Variants in CALN1 observed in about 807,000 individuals in gnomAD.
CALN1 encodes calneuron 1, also known as calcium-binding protein 8.
Under a neutral mutation model 30.6 loss-of-function variants are expected in CALN1, and 17 were observed. The observed-to-expected ratio is 0.56, with a 90% CI of 0.38 to 0.83. CALN1 has a LOEUF of 0.83. CALN1 is among the 40% of genes least tolerant of loss of function. CALN1 has a pLI of 0.00. For synonymous variants in CALN1, 156 were observed against 131.4 expected, an observed-to-expected ratio of 1.19 and a Z score of -1.28; for missense variants, 291 against 354.9, an observed-to-expected ratio of 0.82 and a Z score of 1.45.
intron 3 of CALN1, among the ~76,000 whole-genome samples, chr7:72,246,517 G>A (rs554444771): frequency 5.3e-5 from 8 of 152,126 alleles, no homozygotes; most frequent in Middle Eastern, 3.4e-3. Flanking sequence ...CTATAATTCC[G>A]TGATCAAAAC....
At chr7:72,235,349 T>A (rs1295160078) in intron 3 of CALN1, among the ~76,000 whole-genome samples, 2 of 152,286 alleles carry the variant, frequency 1.3e-5, no homozygotes, top group African/African-American at 4.8e-5. Context: ...AATTAGAGTG[T>A]GTCCACGCCT....
chr7:72,219,679 A>G (rs1026991320), intron 3 of CALN1, among the ~76,000 whole-genome samples: 1 of 125,966 alleles, frequency 7.9e-6, no homozygotes, highest in African/African-American at 2.8e-5. Context: ...ACACACATGC[A>G]TACACATGCA....
At chr7:72,171,302 CA>C (rs1389424885) in intron 3 of CALN1, among the ~76,000 whole-genome samples, 3 of 152,118 alleles carry the variant, frequency 2.0e-5, no homozygotes, top group African/African-American at 7.2e-5. Flanking sequence ...TCTACACCTC[CA>C]AATAATCAAA....
At chr7:72,476,645 C>T in the CALN1 span, among the ~76,000 whole-genome samples, 1 of 152,164 alleles carries the variant, frequency 6.6e-6, no homozygotes, top group African/African-American at 2.4e-5. Flanking sequence ...TAAAACCAAC[C>T]CCCTCAGCCT....
intron 4 of CALN1, among the ~76,000 whole-genome samples, chr7:72,029,513 G>C (rs1000989852): frequency 6.6e-6 from 1 of 152,112 alleles, no homozygotes; most frequent in Non-Finnish European, 1.5e-5. Context: ...AGCACTTCTT[G>C]GTGGGCTTCC....
At chr7:72,136,329 C>A (rs966677696) in intron 3 of CALN1, among the ~76,000 whole-genome samples, 10 of 152,114 alleles carry the variant, frequency 6.6e-5, no homozygotes, top group African/African-American at 4.8e-5. Flanking sequence ...ACTTCTTAAA[C>A]CTCATGAACC....
intron 1 of CALN1, among the ~76,000 whole-genome samples, chr7:72,406,634 T>TTTTTTTAA (rs10655068): frequency 6.6e-6 from 1 of 151,452 alleles, no homozygotes; most frequent in African/African-American, 2.4e-5. Flanking sequence ...TTTTCTTTTT[T>TTTTTTTAA]AAGACGGAGT....
chr7:71,842,978 T>TGG (rs1296151840), intron 5 of CALN1, among the ~76,000 whole-genome samples: 1 of 152,344 alleles, frequency 6.6e-6, no homozygotes, highest in African/African-American at 2.4e-5. Context: ...AGGAAAATCC[T>TGG]AGACCTCCAG....
At chr7:72,244,884 T>G (rs534603) in intron 3 of CALN1, among the ~76,000 whole-genome samples, 1 of 151,896 alleles carries the variant, frequency 6.6e-6, no homozygotes, top group African/African-American at 2.4e-5. Flanking sequence ...AATTCCAATT[T>G]CCTAAATTGT....
intron 3 of CALN1, among the ~76,000 whole-genome samples, chr7:72,251,974 CA>C (rs1196289401): frequency 1.3e-5 from 2 of 152,122 alleles, no homozygotes; most frequent in African/African-American, 4.8e-5. Context: ...ATTAATTGAT[CA>C]ATCATTAAGG....
chr7:71,879,139 C>T (rs1279250207), intron 5 of CALN1, among the ~76,000 whole-genome samples: 1 of 152,192 alleles, frequency 6.6e-6, no homozygotes, highest in African/African-American at 2.4e-5. Context: ...CAGACAAAAA[C>T]AGAGTTGCTT....
chr7:72,469,447 A>T, the CALN1 span, among the ~76,000 whole-genome samples: 1 of 152,194 alleles, frequency 6.6e-6, no homozygotes, highest in Admixed American at 6.5e-5. Context: ...CCCAGGCTGG[A>T]GAGCAGTGTT....
At chr7:72,145,953 G>A (rs530500519) in intron 3 of CALN1, among the ~76,000 whole-genome samples, 5,164 of 152,214 alleles carry the variant, frequency 0.034, 130 homozygotes, top group African/African-American at 0.072. Flanking sequence ...AATAAATTAG[G>A]TATTGATGGG....
chr7:72,403,270 C>T lies in CALN1; in HGVS notation c.100G>A (p.Ala34Thr). 1 of 1,549,982 alleles carries T rather than the reference C, an allele frequency of 6.5e-7. No homozygotes were observed. Among genetic ancestry groups the T allele is most frequent in the East Asian group, 2.4e-5 (1 of 40,998 alleles). ...ACTTGCCAGGTGGGGAAGTCGGGGG[C>T]CTGGCTCCTCGGCGGCTCCTCTCCC... Reference protein sequence around the residue: ...GGGEEPPRSQAPDFPTWEKMP... With the variant: ...GGGEEPPRSQTPDFPTWEKMP... Residue 34 changes from alanine (A) to threonine (T), a missense_variant, in exon 2 of 7, where the codon GCC becomes ACC. This residue lies in a region of CALN1 where 122 missense variants were observed against 103.2 expected (regional missense o/e 1.18). Coordinates refer to ENST00000395275, the MANE Select transcript of CALN1 (RefSeq NM_031468.4).
At chr7:72,148,106 A>AT in intron 3 of CALN1, among the ~76,000 whole-genome samples, 1 of 150,748 alleles carries the variant, frequency 6.6e-6, no homozygotes, top group South Asian at 2.1e-4. Flanking sequence ...AAAAATAAAA[A>AT]AAAAAAACAA....
At chr7:72,181,726 T>C (rs1296872566) in intron 3 of CALN1, among the ~76,000 whole-genome samples, 1 of 152,152 alleles carries the variant, frequency 6.6e-6, no homozygotes, top group Non-Finnish European at 1.5e-5. Flanking sequence ...CCGTCCATCT[T>C]GGCCTCCCAA....
intron 2 of CALN1, among the ~76,000 whole-genome samples, chr7:72,359,976 CAAA>C (rs750054515): frequency 3.1e-5 from 2 of 63,952 alleles, no homozygotes; most frequent in African/African-American, 1.7e-4. Flanking sequence ...GACTCCATCT[CAAA>C]AAAAAAAAAA....
intron 5 of CALN1, among the ~76,000 whole-genome samples, chr7:71,828,718 A>ATGTGTGTGTGTGTGTGTG (rs146892125): frequency 6.9e-6 from 1 of 144,306 alleles, no homozygotes; most frequent in African/African-American, 2.6e-5. Flanking sequence ...ATATATGTAT[A>ATGTGTGTGTGTGTGTGTG]TGTGTGTGTG....
At chr7:71,897,178 G>T (rs905046614) in intron 5 of CALN1, among the ~76,000 whole-genome samples, 1 of 152,148 alleles carries the variant, frequency 6.6e-6, no homozygotes, top group African/African-American at 2.4e-5. Context: ...TGTGAGTCCA[G>T]CATCACAGGC....
Sources: allele counts gnomAD v4.1 joint callset (sites outside exome capture counted in the v4.1 genomes callset), GRCh38; gene constraint gnomAD v4.1.1; regional missense constraint gnomAD v4.1.1; transcripts MANE v1.5; gene names NCBI Gene and HGNC (gene_info 2026-07-23, HGNC 2026-07-21).